The following TBC1D5 variants were observed in gnomAD, a reference collection of about 807,000 sequenced individuals.
TBC1D5 encodes TBC1 domain family, member 5.
Under a neutral mutation model 100.3 loss-of-function variants are expected in TBC1D5, and 75 were observed. That is an observed-to-expected ratio of 0.75 (90% CI 0.62 to 0.91). TBC1D5 has a LOEUF of 0.91. TBC1D5 is among the 40% of genes least tolerant of loss of function. The pLI is 0.00. For missense variants in TBC1D5, 910 were observed against 942.4 expected (o/e 0.97, Z 0.45); for synonymous variants, 323 against 325.6 (o/e 0.99, Z 0.09).
chr3:17,666,901 G>T (rs1333805471), intron 1 of TBC1D5, among the ~76,000 whole-genome samples: 1 of 151,860 alleles, frequency 6.6e-6, no homozygotes, highest in African/African-American at 2.4e-5. Context: ...ACTAGTATTA[G>T]ATCTTTCGTG....
chr3:17,587,716 T>A (rs1014105014), intron 2 of TBC1D5, among the ~76,000 whole-genome samples: 1 of 152,074 alleles, frequency 6.6e-6, no homozygotes, highest in African/African-American at 2.4e-5. Flanking sequence ...AATACTTTTC[T>A]GAATTATATT....
intron 15 of TBC1D5, 98 bp downstream of exon 15, chr3:17,291,797 A>G (rs1476395219): frequency 2.7e-6 from 3 of 1,129,438 alleles, no homozygotes; most frequent in Non-Finnish European, 3.8e-6. Context: ...TTCATCTACC[A>G]TTAGGCAAAT....
intron 2 of TBC1D5, chr3:17,547,153 G>A (rs2096425222): frequency 6.6e-6 from 1 of 152,166 alleles, no homozygotes; most frequent in East Asian, 1.9e-4. Flanking sequence ...GAACATTGTA[G>A]GCTATTGTAA....
intron 3 of TBC1D5, among the ~76,000 whole-genome samples, chr3:17,448,560 G>A (rs558273491): frequency 5.1e-4 from 77 of 152,322 alleles, no homozygotes; most frequent in Non-Finnish European, 9.7e-4. Context: ...AATGGATGCC[G>A]TGTTGGCAGG....
intron 13 of TBC1D5, among the ~76,000 whole-genome samples, chr3:17,348,957 CA>C (rs1435314104): frequency 1.3e-5 from 2 of 152,086 alleles, no homozygotes; most frequent in Non-Finnish European, 2.9e-5. Context: ...AATTTAACTA[CA>C]AATTCTATCA....
rs375375816 is a variant in TBC1D5 at position 17,354,716 on chromosome 3, T to TA, written c.995+17358dup. Among the ~76,000 whole-genome samples the TA allele has an allele frequency of 3.7e-3, 525 of 141,404 alleles. 1 individual carries two copies. Among genetic ancestry groups the TA allele is most frequent in the Non-Finnish European group, 4.7e-3 (301 of 64,268 alleles). 92.8% of individuals were successfully genotyped at this position (141,404 alleles called of 152,430 possible). ...ACTAGAGGAAATATGAAAAAAGGAG[T>TA]AAAAAAAAAAACCCCAGAGAAACTG... On this transcript the variant is annotated intron_variant, in intron 13 of 21. Transcript: ENST00000253692.
chr3:17,576,773 C>G (rs1290209268), intron 2 of TBC1D5, among the ~76,000 whole-genome samples: 3 of 151,938 alleles, frequency 2.0e-5, no homozygotes, highest in Non-Finnish European at 4.4e-5. Context: ...AGTTAGACAT[C>G]AATTCCACTA....
intron 8 of TBC1D5, among the ~76,000 whole-genome samples, chr3:17,392,538 C>T (rs542558696): frequency 2.0e-5 from 3 of 152,060 alleles, no homozygotes; most frequent in African/African-American, 7.2e-5. Flanking sequence ...CAACAGGCCC[C>T]AGTGTGTGAT....
intron 13 of TBC1D5, among the ~76,000 whole-genome samples, chr3:17,314,565 T>C (rs17043365): frequency 0.023 from 3,450 of 152,258 alleles, 128 homozygotes; most frequent in African/African-American, 0.077. Context: ...AGGACCCTGC[T>C]ATTCAAAGTG....
At chr3:17,707,306 A>C (rs2074278739) in intron 1 of TBC1D5, among the ~76,000 whole-genome samples, 1 of 152,078 alleles carries the variant, frequency 6.6e-6, no homozygotes, top group African/African-American at 2.4e-5. Context: ...AAAAGCTTTC[A>C]CTATGACATT....
chr3:17,598,326 CTTCTT>C (rs1430040210), intron 2 of TBC1D5, among the ~76,000 whole-genome samples: 1 of 152,120 alleles, frequency 6.6e-6, no homozygotes, highest in Non-Finnish European at 1.5e-5. Context: ...AAAGGATTCT[CTTCTT>C]GTAAGTATGT....
intron 1 of TBC1D5, among the ~76,000 whole-genome samples, chr3:17,678,522 A>C (rs2068946604): frequency 6.6e-6 from 1 of 152,186 alleles, no homozygotes; most frequent in Non-Finnish European, 1.5e-5. Flanking sequence ...TTATCAAAAG[A>C]AGTTACTCAT....
chr3:17,226,047 C>T (rs1414018569), intron 17 of TBC1D5, among the ~76,000 whole-genome samples: 1 of 151,732 alleles, frequency 6.6e-6, no homozygotes, highest in East Asian at 1.9e-4. Flanking sequence ...TGAGGGACAA[C>T]TGTATTTCCT....
intron 20 of TBC1D5, 59 bp downstream of exon 21, chr3:17,167,690 G>A: frequency 6.7e-7 from 1 of 1,501,282 alleles, no homozygotes; most frequent in East Asian, 2.3e-5. Context: ...CCATGCCCTG[G>A]GGGGCCCTCC....
chr3:17,702,155 T>A (rs1226962731), intron 1 of TBC1D5: 1 of 152,200 alleles, frequency 6.6e-6, no homozygotes, highest in Non-Finnish European at 1.5e-5. Context: ...TCGTCTTCAA[T>A]GTGAGGTGAG....
chr3:17,319,005 C>T (rs978717913), intron 13 of TBC1D5, among the ~76,000 whole-genome samples: 1 of 152,142 alleles, frequency 6.6e-6, no homozygotes, highest in African/African-American at 2.4e-5. Flanking sequence ...GAACTAAGAA[C>T]TTACAAAGAA....
At chr3:17,695,589 T>C (rs2071921247) in intron 1 of TBC1D5, among the ~76,000 whole-genome samples, 1 of 152,160 alleles carries the variant, frequency 6.6e-6, no homozygotes, top group Non-Finnish European at 1.5e-5. Context: ...AGCACCCAGA[T>C]TCATAAAGCA....
At chr3:17,474,092 G>C (rs958412260) in intron 3 of TBC1D5, among the ~76,000 whole-genome samples, 1 of 151,986 alleles carries the variant, frequency 6.6e-6, no homozygotes, top group Non-Finnish European at 1.5e-5. Context: ...ATAAAATTAA[G>C]AGAGATGCAG....
At position 17,628,454 on chromosome 3, in the gene TBC1D5, TC is replaced by T. The variant is rs2063239433; in HGVS notation, c.-100-4542del. On this transcript the variant is annotated intron_variant, in intron 1 of 21. Coordinates refer to ENST00000253692, the Ensembl canonical transcript of TBC1D5. ...TAGAATTCACAGAAATCAGGAAAAG[TC>T]CCCACCCTCTCCCCCCACTTCACCA... Among the ~76,000 whole-genome samples, 3 of 150,034 alleles carry T rather than the reference TC, an allele frequency of 2.0e-5. No homozygotes were observed. In the South Asian group the frequency reaches 6.3e-4, roughly 32 times the overall value.
Sources: allele counts gnomAD v4.1 joint callset (sites outside exome capture counted in the v4.1 genomes callset), GRCh38; gene constraint gnomAD v4.1.1; transcripts MANE v1.5; gene names NCBI Gene and HGNC (gene_info 2026-07-23, HGNC 2026-07-21).